The following METTL24 variants were observed in gnomAD, a reference collection of about 807,000 sequenced individuals.
METTL24 encodes the protein methyltransferase like 24, also known as probable methyltransferase-like protein 24.
METTL24 carries 29 observed loss-of-function variants against 32.7 expected under a neutral mutation model. The ratio of observed to expected loss-of-function variants is 0.89; its 90% confidence interval spans 0.66 to 1.21. The LOEUF is 1.21. Ranked by LOEUF, METTL24 falls within the 50% of genes most tolerant of loss-of-function variation. The probability of loss-of-function intolerance (pLI) is 0.00; values close to 1 mark genes in which losing one functional copy is unlikely to be tolerated. For synonymous variants in METTL24, 163 were observed against 179.5 expected (o/e 0.91, Z 0.73); for missense variants, 439 against 468.1 (o/e 0.94, Z 0.57).
intron 4 of METTL24, among the ~76,000 whole-genome samples, chr6:110,248,641 G>A (rs2114689055): frequency 6.7e-6 from 1 of 150,230 alleles, no homozygotes; most frequent in Non-Finnish European, 1.5e-5. Context: ...TTGTGAATCA[G>A]ACACAGTGAA....
intron 4 of METTL24, among the ~76,000 whole-genome samples, chr6:110,265,367 C>T (rs776147484): frequency 1.2e-4 from 18 of 152,072 alleles, no homozygotes; most frequent in Non-Finnish European, 2.6e-4. Context: ...AAGAAAACAG[C>T]AATACATACC....
chr6:110,331,027 A>C (rs539370670), intron 1 of METTL24, among the ~76,000 whole-genome samples: 3 of 152,240 alleles, frequency 2.0e-5, no homozygotes, highest in Non-Finnish European at 1.5e-5. Context: ...GTAAAGGTGG[A>C]CATGCTTGAA....
intron 4 of METTL24, among the ~76,000 whole-genome samples, chr6:110,274,559 A>G (rs1170079518): frequency 6.6e-6 from 1 of 152,126 alleles, no homozygotes; most frequent in Non-Finnish European, 1.5e-5. Context: ...TACAGTGCAC[A>G]CTGCTCAGGA....
At chr6:110,314,049 C>G (rs905483099) in intron 3 of METTL24, among the ~76,000 whole-genome samples, 3 of 152,148 alleles carry the variant, frequency 2.0e-5, no homozygotes, top group African/African-American at 7.2e-5. Flanking sequence ...ATCCTCTCTA[C>G]ACTGGAATCT....
At chr6:110,335,953 T>C (rs553636637) in intron 1 of METTL24, among the ~76,000 whole-genome samples, 21 of 152,216 alleles carry the variant, frequency 1.4e-4, no homozygotes, top group African/African-American at 2.9e-4. Flanking sequence ...CCAAAGCTAG[T>C]TGATAATATA....
chr6:110,342,273 T>A (rs1225841189), intron 1 of METTL24, among the ~76,000 whole-genome samples: 2 of 152,178 alleles, frequency 1.3e-5, no homozygotes, highest in East Asian at 3.9e-4. Flanking sequence ...CTGCAATGCG[T>A]CTGCCATGCC....
intron 1 of METTL24, among the ~76,000 whole-genome samples, 186 bp from the exon 2 acceptor site, chr6:110,323,058 A>C (rs993703814): frequency 1.3e-5 from 2 of 152,304 alleles, no homozygotes; most frequent in Non-Finnish European, 1.5e-5. Flanking sequence ...CAGGGAGACA[A>C]ATGAGGCCGG....
chr6:110,262,294 G>A (rs191256726), intron 4 of METTL24, among the ~76,000 whole-genome samples: 67 of 152,170 alleles, frequency 4.4e-4, no homozygotes, highest in East Asian at 2.9e-3. Context: ...TATCACCACC[G>A]ATCCCACAGA....
chr6:110,281,408 C>T (rs1352426953), intron 4 of METTL24, among the ~76,000 whole-genome samples: 16 of 151,714 alleles, frequency 1.1e-4, no homozygotes, highest in African/African-American at 2.9e-4. Context: ...TTTGGGAGGC[C>T]GAGGCGGGTG....
chr6:110,302,826 TACTC>T (rs1460420079), intron 3 of METTL24, among the ~76,000 whole-genome samples: 1 of 152,112 alleles, frequency 6.6e-6, no homozygotes, highest in African/African-American at 2.4e-5. Context: ...CACATAGAAA[TACTC>T]AAGTTGTAAG....
At chr6:110,291,634 C>T (rs571626104) in intron 4 of METTL24, among the ~76,000 whole-genome samples, 4 of 152,012 alleles carry the variant, frequency 2.6e-5, no homozygotes, top group East Asian at 3.9e-4. Flanking sequence ...CAGATTATTT[C>T]GTCACCCAGG....
chr6:110,338,750 C>T (rs1384059767), intron 1 of METTL24, among the ~76,000 whole-genome samples: 7 of 152,182 alleles, frequency 4.6e-5, no homozygotes, highest in Admixed American at 6.5e-5. Context: ...AAGTTCTCTA[C>T]TTGAAATCAT....
In METTL24 at chr6:110,245,847, C is replaced by T; in HGVS notation, c.*99G>A. 8.1e-7 allele frequency: 1 copy of T among 1,241,646 alleles called. No individual in the cohort carries two copies. The highest frequency in any genetic ancestry group is 2.1e-5 in the Admixed American group (1 of 48,616). 76.9% of individuals were successfully genotyped at this position (1,241,646 alleles called of 1,614,324 possible). A position where few individuals can be genotyped will look rare whatever the true frequency, so the allele number is the denominator to read the frequency against. On this transcript the variant is annotated 3_prime_UTR_variant, in exon 5 of 5. Coordinates refer to ENST00000338882, the MANE Select transcript of METTL24 (RefSeq NM_001123364.3). ...CACACTCCCTGCCTCAAGCAGGGCA[C>T]AGGCTAGCAGGAGACTGGATGAGTA...
chr6:110,265,642 TG>T (rs1024282596), intron 4 of METTL24, among the ~76,000 whole-genome samples: 4 of 152,130 alleles, frequency 2.6e-5, no homozygotes, highest in Non-Finnish European at 5.9e-5. Flanking sequence ...TCATTTCAAC[TG>T]GAGTGAGGAT....
intron 3 of METTL24, 46 bp from the exon 4 acceptor site, chr6:110,299,196 G>A: frequency 5.8e-6 from 9 of 1,548,664 alleles, no homozygotes; most frequent in Non-Finnish European, 8.0e-6. Flanking sequence ...ATGCAATGAA[G>A]CAAAGTGTTG....
rs117567946 is a variant in METTL24 at position 110,288,601 on chromosome 6, T to C, written c.786+10321A>G. Among the ~76,000 whole-genome samples, 1,231 of 152,232 alleles carry C rather than the reference T, an allele frequency of 8.1e-3. 8 individuals carry two copies. Among genetic ancestry groups the C allele is most frequent in the Middle Eastern group, 0.017 (5 of 294 alleles). The stretch of plus-strand genomic sequence containing the variant: ...AAAAGATGAAGGTGAGATGCACCCC[T>C]TTCCCCCATGCCAAACACAAAGCAA... On this transcript the variant is annotated intron_variant, in intron 4 of 4. Transcript: ENST00000338882.
chr6:110,302,111 TAA>T (rs1008368541), intron 3 of METTL24, among the ~76,000 whole-genome samples: 1 of 151,674 alleles, frequency 6.6e-6, no homozygotes, highest in Non-Finnish European at 1.5e-5. Context: ...CCATCTCTAC[TAA>T]AAAAATACAA....
intron 3 of METTL24, among the ~76,000 whole-genome samples, chr6:110,309,301 A>C (rs966990528): frequency 1.3e-5 from 2 of 152,142 alleles, no homozygotes; most frequent in Non-Finnish European, 2.9e-5. Flanking sequence ...TGGCCAAATA[A>C]CTACCTAGAT....
At chr6:110,320,709 G>A (rs1042510543) in intron 2 of METTL24, among the ~76,000 whole-genome samples, 6 of 152,184 alleles carry the variant, frequency 3.9e-5, no homozygotes, top group Admixed American at 1.3e-4. Context: ...CTTAAGGGCA[G>A]AGACTATATC....
Sources: allele counts gnomAD v4.1 joint callset (sites outside exome capture counted in the v4.1 genomes callset), GRCh38; gene constraint gnomAD v4.1.1; transcripts MANE v1.5; gene names NCBI Gene and HGNC (gene_info 2026-07-23, HGNC 2026-07-21).